MTIF2: variants seen among roughly 807,000 people sequenced by gnomAD.
MTIF2 encodes mitochondrial translational initiation factor 2.
Under a neutral mutation model 83.5 loss-of-function variants are expected in MTIF2, and 71 were observed. The observed-to-expected ratio is 0.85, with a 90% confidence interval of 0.70 to 1.04. The LOEUF (loss-of-function observed/expected upper bound fraction) is 1.04, where lower values mean the gene tolerates loss of function less well. MTIF2 is among the 50% of genes least tolerant of loss of function. The probability of loss-of-function intolerance (pLI) is 0.00; values close to 1 mark genes in which losing one functional copy is unlikely to be tolerated. For missense variants in MTIF2, 957 were observed against 846.5 expected, an observed-to-expected ratio of 1.13 and a Z score of -1.62; for synonymous variants, 319 against 287.1, an observed-to-expected ratio of 1.11 and a Z score of -1.12.
chr2:55,247,594 AAAAC>A (rs1241385730), intron 9 of MTIF2, among the ~76,000 whole-genome samples: 1 of 152,148 alleles, frequency 6.6e-6, no homozygotes, highest in Non-Finnish European at 1.5e-5. Context: ...AAAACAAAAC[AAAAC>A]AAAACAAAAA....
intron 5 of MTIF2, among the ~76,000 whole-genome samples, chr2:55,261,636 A>G (rs1168676491): frequency 6.6e-6 from 1 of 151,982 alleles, no homozygotes; most frequent in Non-Finnish European, 1.5e-5. Flanking sequence ...GAGTGAAAAA[A>G]AGGAAATCAG....
rs377191886 is a variant in MTIF2, at chr2:55,249,536, T to G, written c.842-2A>C. ...TATTTACGGCAAGGATAATAGGAAC[T>G]GAAAGAAATGGAGTTAAAAAGAGTG... On this transcript the variant is annotated splice_acceptor_variant, in intron 8 of 15. Coordinates refer to ENST00000263629, the MANE Select transcript of MTIF2 (RefSeq NM_002453.3). LOFTEE classifies it high-confidence loss of function. 52 of 1,612,504 alleles carry G rather than the reference T, an allele frequency of 3.2e-5. No homozygotes were observed. Among genetic ancestry groups the G allele is most frequent in the Non-Finnish European group, 4.3e-5 (51 of 1,179,430 alleles).
chr2:55,264,288 G>C (rs1175172078), intron 3 of MTIF2, among the ~76,000 whole-genome samples: 1 of 152,194 alleles, frequency 6.6e-6, no homozygotes, highest in Non-Finnish European at 1.5e-5. Context: ...CTGGAATGCA[G>C]TGGTATGGTC....
At chr2:55,259,706 G>A (rs1246392655) in intron 5 of MTIF2, among the ~76,000 whole-genome samples, 1 of 152,176 alleles carries the variant, frequency 6.6e-6, no homozygotes, top group Non-Finnish European at 1.5e-5. Context: ...GCATTTGGAA[G>A]GCTAAGATGT....
chr2:55,261,226 C>A (rs1483251895), intron 5 of MTIF2, among the ~76,000 whole-genome samples: 3 of 152,132 alleles, frequency 2.0e-5, no homozygotes, highest in Non-Finnish European at 2.9e-5. Flanking sequence ...CTGACCTAGC[C>A]TCCCAAAGTG....
chr2:55,260,685 A>C (rs965117146), intron 5 of MTIF2, among the ~76,000 whole-genome samples: 11 of 152,120 alleles, frequency 7.2e-5, no homozygotes, highest in African/African-American at 2.4e-4. Context: ...TATCCTCTCT[A>C]AACCTCACCT....
chr2:55,241,111 CA>C (rs1312691620), intron 13 of MTIF2, among the ~76,000 whole-genome samples: 1 of 151,284 alleles, frequency 6.6e-6, no homozygotes, highest in African/African-American at 2.4e-5. Context: ...TTGTCTTAAA[CA>C]AAATGAATGA....
intron 5 of MTIF2, among the ~76,000 whole-genome samples, chr2:55,260,416 A>G (rs1213677658): frequency 6.6e-6 from 1 of 152,128 alleles, no homozygotes; most frequent in Non-Finnish European, 1.5e-5. Context: ...AAAAAAAAAA[A>G]AAAGCCAAAC....
chr2:55,266,022 A>G (rs1353634032), intron 3 of MTIF2, among the ~76,000 whole-genome samples: 2 of 152,154 alleles, frequency 1.3e-5, no homozygotes, highest in African/African-American at 4.8e-5. Flanking sequence ...ACATGTAAAT[A>G]TACGCCATTT....
chr2:55,248,612 G>A (rs185955739), intron 9 of MTIF2, among the ~76,000 whole-genome samples: 1 of 151,956 alleles, frequency 6.6e-6, no homozygotes, highest in Non-Finnish European at 1.5e-5. Context: ...AAGAATAGAT[G>A]GTAATCTTAA....
At position 55,263,550 on chromosome 2, in the gene MTIF2, C is replaced by T. The variant is rs544035167; in HGVS notation, c.219+90G>A. On this transcript the variant is annotated intron_variant, in intron 4 of 15. Coordinates refer to ENST00000263629, the MANE Select transcript of MTIF2 (RefSeq NM_002453.3). ...GCTTAAACCCAAGAGGCGTAGGTTG[C>T]GGTGAGCTGAGATCGCGCCACGGCA... is the stretch of plus-strand genomic sequence containing the variant. 56 of 961,270 alleles carry T rather than the reference C, an allele frequency of 5.8e-5. No homozygotes were observed. In the Middle Eastern group the frequency reaches 8.0e-4, roughly 14 times the overall value. The allele number at this position is 961,270 out of a possible 1,614,324, so 59.5% of individuals were successfully genotyped here. A position where few individuals can be genotyped will look rare whatever the true frequency, so the allele number is the denominator to read the frequency against.
intron 7 of MTIF2, among the ~76,000 whole-genome samples, chr2:55,253,125 C>T (rs916071582): frequency 1.3e-5 from 2 of 152,034 alleles, no homozygotes; most frequent in African/African-American, 4.8e-5. Context: ...CTGCTTAACT[C>T]GAAGAAGTAT....
In MTIF2 at chr2:55,254,672, T is replaced by G; in HGVS notation, c.485A>C (p.Asn162Thr). 6.2e-7 allele frequency: 1 copy of G among 1,604,038 alleles called. No homozygotes were observed. Among genetic ancestry groups the G allele is most frequent in the Non-Finnish European group, 8.5e-7 (1 of 1,175,888 alleles). Residue 162 changes from asparagine (N) to threonine (T), a missense_variant, in exon 6 of 16, where the codon AAT (asparagine) becomes ACT (threonine). By Grantham distance (65) the Asn-to-Thr change is moderately conservative (BLOSUM62 0). Transcript: ENST00000263629. ...SKLKQDKVRKNKDAVRRPQAD... is the reference protein window; with the variant it reads ...SKLKQDKVRKTKDAVRRPQAD... ...GTTTTACCTTCTTACAGCATCTTTATTTTTTCTGACTTTGTCCTGTTTTAA... is the reference window on the plus strand; with the variant it reads ...GTTTTACCTTCTTACAGCATCTTTAGTTTTTCTGACTTTGTCCTGTTTTAA...
intron 15 of MTIF2, 28 bp downstream of exon 15, chr2:55,237,253 GATATGCT>G: frequency 6.3e-7 from 1 of 1,590,800 alleles, no homozygotes. Context: ...TTGGTGACTG[GATATGCT>G]ATTATAGGAG....
At chr2:55,250,378 C>T (rs530619043) in intron 8 of MTIF2, among the ~76,000 whole-genome samples, 2 of 151,322 alleles carry the variant, frequency 1.3e-5, no homozygotes, top group Non-Finnish European at 1.5e-5. Flanking sequence ...TATCCTTAAA[C>T]CTAAAAGCAA....
chr2:55,240,351 C>T lies in MTIF2; in HGVS notation c.1706-176G>A, dbSNP rs189199709. ...ATCCCATCACTTTGGGAAGCTGAGGCAGGTGGATCGCCTGAGGTCAGGAGT... is the reference window on the plus strand; with the variant it reads ...ATCCCATCACTTTGGGAAGCTGAGGTAGGTGGATCGCCTGAGGTCAGGAGT... On this transcript the variant is annotated intron_variant, in intron 13 of 15. Coordinates refer to ENST00000263629, the MANE Select transcript of MTIF2 (RefSeq NM_002453.3). 3.1e-3 allele frequency among the ~76,000 whole-genome samples: 465 copies of T among 152,262 alleles called. 3 individuals are homozygous for T. The highest frequency in any genetic ancestry group is 0.011 in the African/African-American group (461 of 41,532).
chr2:55,263,466 C>T (rs942687818), intron 4 of MTIF2, among the ~76,000 whole-genome samples, 174 bp downstream of exon 4: 13 of 152,092 alleles, frequency 8.5e-5, no homozygotes, highest in African/African-American at 2.7e-4. Context: ...GTAACTATAG[C>T]GGGTGCGGTG....
In MTIF2 at chr2:55,254,678, C is replaced by G; in HGVS notation, c.479G>C (p.Arg160Thr). The change falls in exon 6 of 16, where the codon AGA (arginine) becomes ACA (threonine). Residue 160 changes from arginine to threonine, a missense_variant. Arg to Thr is a moderately conservative substitution (Grantham distance 71, BLOSUM62 -1). This residue lies in a region of MTIF2 where 733 missense variants were observed against 648.7 expected (regional missense o/e 1.13). Transcript: ENST00000263629. The part of the protein sequence containing the change: ...KWSKLKQDKV[R>T]KNKDAVRRPQ... ...CCTTCTTACAGCATCTTTATTTTTTCTGACTTTGTCCTGTTTTAATTTACT... is the reference window on the plus strand; with the variant it reads ...CCTTCTTACAGCATCTTTATTTTTTGTGACTTTGTCCTGTTTTAATTTACT... 6.2e-7 allele frequency: 1 copy of G among 1,604,334 alleles called. No individual in the cohort carries two copies. The highest frequency in any genetic ancestry group is 2.3e-5 in the East Asian group (1 of 44,268).
At chr2:55,256,700 CA>C (rs34921662) in intron 5 of MTIF2, among the ~76,000 whole-genome samples, 17 of 144,222 alleles carry the variant, frequency 1.2e-4, no homozygotes, top group South Asian at 2.3e-4. Flanking sequence ...GACTCCATCT[CA>C]AAAAAAAAAA....
Sources: gnomAD v4.1 joint callset for allele counts (sites outside exome capture counted in the v4.1 genomes callset) on GRCh38, gnomAD v4.1.1 for gene constraint, gnomAD v4.1.1 regional missense constraint, MANE v1.5 for transcripts, NCBI Gene and HGNC (gene_info 2026-07-23, HGNC 2026-07-21) for gene names.